TNKS: variants seen among roughly 807,000 people sequenced by gnomAD.
TNKS encodes the protein poly [ADP-ribose] polymerase tankyrase-1.
In TNKS, 72 loss-of-function variants were observed where a neutral mutation model predicts 135.8. That is an observed-to-expected ratio of 0.53 (90% confidence interval 0.44 to 0.64). The LOEUF is 0.64. Among genes scored for constraint, TNKS ranks in the 30% least tolerant of loss-of-function variants. The pLI is 0.00. For missense variants in TNKS, 1,769 were observed against 1,674.0 expected (o/e 1.06, Z -0.99); for synonymous variants, 849 against 649.3 (o/e 1.31, Z -4.68).
chr8:9,771,801 TGGG>T (rs1554490289), intron 26 of TNKS, among the ~76,000 whole-genome samples: 8 of 8,194 alleles, frequency 9.8e-4, no homozygotes, highest in African/African-American at 5.5e-3. Context: ...AGAAGGGAAG[TGGG>T]GGAGGAAGGG....
At chr8:9,632,815 C>T (rs901517214) in intron 3 of TNKS, among the ~76,000 whole-genome samples, 2 of 152,120 alleles carry the variant, frequency 1.3e-5, no homozygotes, top group South Asian at 2.1e-4. Flanking sequence ...CTGCAAGCTC[C>T]GCCTCCCGGG....
chr8:9,740,966 C>A (rs367737152), intron 17 of TNKS: 1 of 151,848 alleles, frequency 6.6e-6, no homozygotes, highest in African/African-American at 2.4e-5. Flanking sequence ...CCTGCCACCA[C>A]GCCCAGCTAA....
chr8:9,639,866 C>G (rs1426306214), intron 3 of TNKS, among the ~76,000 whole-genome samples: 2 of 152,152 alleles, frequency 1.3e-5, no homozygotes, highest in East Asian at 3.8e-4. Context: ...ACATATATTT[C>G]TACATATATC....
intron 1 of TNKS, chr8:9,558,138 A>G (rs2129048728): frequency 6.6e-6 from 1 of 152,334 alleles, no homozygotes; most frequent in Non-Finnish European, 1.5e-5. Flanking sequence ...TCTGGAAACA[A>G]TACTTTCCCT....
chr8:9,564,032 C>T, intron 1 of TNKS, among the ~76,000 whole-genome samples: 1 of 152,200 alleles, frequency 6.6e-6, no homozygotes, highest in Admixed American at 6.5e-5. Flanking sequence ...TCTGCAGGAT[C>T]ATCTTTTACA....
At chr8:9,612,040 T>C (rs1182652611) in intron 2 of TNKS, among the ~76,000 whole-genome samples, 1 of 152,194 alleles carries the variant, frequency 6.6e-6, no homozygotes, top group African/African-American at 2.4e-5. Context: ...GCTATAACTT[T>C]AAAAGCATTA....
intron 5 of TNKS, among the ~76,000 whole-genome samples, chr8:9,690,826 T>G (rs1585332638): frequency 6.6e-6 from 1 of 152,232 alleles, no homozygotes; most frequent in African/African-American, 2.4e-5. Flanking sequence ...TCCATTACTT[T>G]GGAAGAACAT....
chr8:9,572,994 T>C (rs916339415), intron 1 of TNKS, among the ~76,000 whole-genome samples: 4 of 151,988 alleles, frequency 2.6e-5, no homozygotes, highest in Non-Finnish European at 5.9e-5. Context: ...AGTGGACTGA[T>C]AATACTTAAG....
chr8:9,639,556 C>G (rs913449945), intron 3 of TNKS, among the ~76,000 whole-genome samples: 2 of 148,750 alleles, frequency 1.3e-5, no homozygotes, highest in African/African-American at 5.0e-5. Flanking sequence ...TCCTGAGTAG[C>G]TTTCAATCTT....
chr8:9,710,678 C>T (rs185437090), intron 11 of TNKS, among the ~76,000 whole-genome samples: 1 of 152,224 alleles, frequency 6.6e-6, no homozygotes, highest in African/African-American at 2.4e-5. Flanking sequence ...AGGTGGATCA[C>T]GAGGTCAGGA....
intron 20 of TNKS, among the ~76,000 whole-genome samples, chr8:9,761,032 C>G (rs1295842503): frequency 6.6e-6 from 1 of 152,184 alleles, no homozygotes; most frequent in African/African-American, 2.4e-5. Flanking sequence ...TATTTCTTAG[C>G]ACTGAGAAGT....
intron 17 of TNKS, among the ~76,000 whole-genome samples, chr8:9,742,281 C>T (rs968025184): frequency 1.3e-5 from 2 of 149,324 alleles, no homozygotes; most frequent in Non-Finnish European, 3.0e-5. Context: ...TTTTGGCAAA[C>T]TTTGACTCTG....
intron 1 of TNKS, among the ~76,000 whole-genome samples, chr8:9,578,684 C>T (rs896604478): frequency 1.3e-5 from 2 of 152,092 alleles, no homozygotes; most frequent in African/African-American, 2.4e-5. Flanking sequence ...ATTTGTTTAA[C>T]ATATGCCCAA....
At position 9,763,228 on chromosome 8, in the gene TNKS, A is replaced by G. The variant is rs746655363; in HGVS notation, c.3356A>G (p.Gln1119Arg). The G allele has an allele frequency of 6.2e-7, 1 of 1,605,874 alleles. No individual in the cohort carries two copies. The highest frequency in any genetic ancestry group is 8.5e-7 in the Non-Finnish European group (1 of 1,173,546). Residue 1119 changes from glutamine to arginine, a missense_variant, in exon 22 of 27, where the codon CAG becomes CGG. By Grantham distance (43) the Gln-to-Arg change is conservative. Around this residue, in one of 5 missense-constraint regions of TNKS, gnomAD observed 722 missense variants for 688.9 expected, o/e 1.05. Coordinates refer to ENST00000310430, the MANE Select transcript of TNKS (RefSeq NM_003747.3). ...CTTGCTCCAGAAGATAAAGAATATCAGTCAGTGGAAGAAGAGGTAATATAC... is the reference window on the plus strand; with the variant it reads ...CTTGCTCCAGAAGATAAAGAATATCGGTCAGTGGAAGAAGAGGTAATATAC... Reference protein sequence around the residue: ...LDLAPEDKEYQSVEEEMQSTI... With the variant: ...LDLAPEDKEYRSVEEEMQSTI...
chr8:9,758,093 T>C (rs999737597), intron 20 of TNKS, among the ~76,000 whole-genome samples: 1 of 152,206 alleles, frequency 6.6e-6, no homozygotes, highest in Non-Finnish European at 1.5e-5. Context: ...TTATGACTTC[T>C]CTAAGTACCA....
intron 3 of TNKS, among the ~76,000 whole-genome samples, chr8:9,665,546 G>A (rs1801944883): frequency 6.6e-6 from 1 of 152,154 alleles, no homozygotes; most frequent in Non-Finnish European, 1.5e-5. Flanking sequence ...TATTTCTTAT[G>A]GTAAAGTTGT....
At chr8:9,727,728 C>A (rs778486782) in intron 13 of TNKS, among the ~76,000 whole-genome samples, 1 of 152,198 alleles carries the variant, frequency 6.6e-6, no homozygotes, top group Non-Finnish European at 1.5e-5. Flanking sequence ...ATAACATATA[C>A]TGGTTGAAAG....
chr8:9,594,698 C>G (rs926217908), intron 2 of TNKS, among the ~76,000 whole-genome samples: 2 of 152,106 alleles, frequency 1.3e-5, no homozygotes, highest in African/African-American at 4.8e-5. Flanking sequence ...TAGAAATCAT[C>G]ATTTTTTAAA....
chr8:9,594,424 C>T lies in TNKS; in HGVS notation c.898+14041C>T, dbSNP rs150470593. Among the ~76,000 whole-genome samples, 9 of 152,216 alleles carry T rather than the reference C, an allele frequency of 5.9e-5. No homozygotes were observed. The East Asian group carries it at 1.3e-3, about 23-fold the overall frequency. ...AATTTAGTTTCTCAGTTGCACTAGC[C>T]GTGTTTTAAATGCTTAATGACCGTA... On this transcript the variant is annotated intron_variant, in intron 2 of 26. Transcript: ENST00000310430.
Sources: allele counts gnomAD v4.1 joint callset (sites outside exome capture counted in the v4.1 genomes callset), GRCh38; gene constraint gnomAD v4.1.1; regional missense constraint gnomAD v4.1.1; transcripts MANE v1.5; gene names NCBI Gene and HGNC (gene_info 2026-07-23, HGNC 2026-07-21).